OARD1: variants seen among roughly 807,000 people sequenced by gnomAD.
The protein encoded by OARD1 is O-acyl-ADP-ribose deacylase 1.
OARD1 carries 19 observed loss-of-function variants against 19.7 expected under a neutral mutation model. The ratio of observed to expected loss-of-function variants is 0.96; its 90% CI spans 0.67 to 1.41. The LOEUF (loss-of-function observed/expected upper bound fraction) is 1.41, where lower values mean the gene tolerates loss of function less well. OARD1 is among the 40% of genes most tolerant of loss of function. The pLI, the probability that OARD1 is intolerant of heterozygous loss-of-function variation, is 0.00. For synonymous variants in OARD1, 70 were observed against 61.8 expected (o/e 1.13, Z -0.62); for missense variants, 190 against 183.8 (o/e 1.03, Z -0.20).
At chr6:41,071,056 C>T (rs1582005740) in intron 3 of OARD1, 76 bp downstream of exon 3, 2 of 1,406,186 alleles carry the variant, frequency 1.4e-6, no homozygotes, top group Non-Finnish European at 2.0e-6. Flanking sequence ...TCTTTACACG[C>T]ATATTTTATT....
intron 1 of OARD1, among the ~76,000 whole-genome samples, chr6:41,086,651 A>C (rs1384116615): frequency 6.6e-6 from 1 of 152,192 alleles, no homozygotes; most frequent in Non-Finnish European, 1.5e-5. Flanking sequence ...AGAGATGTCC[A>C]GTCTCATGAA....
At chr6:41,076,975 C>T (rs1763749309), upstream of OARD1, among the ~76,000 whole-genome samples, 1 of 152,160 alleles carries the variant, frequency 6.6e-6, no homozygotes, top group Non-Finnish European at 1.5e-5. Flanking sequence ...AATCTTGATA[C>T]TCTTCAAAGT....
chr6:41,081,783 A>G (rs777183254), intron 1 of OARD1, among the ~76,000 whole-genome samples: 6 of 152,212 alleles, frequency 3.9e-5, no homozygotes, highest in Non-Finnish European at 5.9e-5. Flanking sequence ...TAGATCTGCA[A>G]AGATTACCCC....
intron 1 of OARD1, among the ~76,000 whole-genome samples, chr6:41,089,375 G>C (rs1764137469): frequency 6.6e-6 from 1 of 152,152 alleles, no homozygotes; most frequent in African/African-American, 2.4e-5. Context: ...GTTAATATCA[G>C]GTATCCAGAC....
intron 1 of OARD1, chr6:41,080,685 G>A (rs1582023923): frequency 1.4e-6 from 1 of 693,588 alleles, no homozygotes. Flanking sequence ...TCAATATAGG[G>A]AGTCTGTACA....
chr6:41,080,359 A>G (rs915542035), intron 1 of OARD1, among the ~76,000 whole-genome samples: 3 of 152,158 alleles, frequency 2.0e-5, no homozygotes, highest in African/African-American at 7.2e-5. Flanking sequence ...CGTCATGAAG[A>G]TGATTTCGGT....
rs1582022504 is a variant in OARD1, at chr6:41,079,247, G to A, written c.-41-7572C>T. 2.3e-6 allele frequency: 3 copies of A among 1,284,806 alleles called. No homozygotes were observed. The East Asian group carries it at 6.9e-5, about 30-fold the overall frequency. The allele number at this position is 1,284,806 out of a possible 1,614,324, so 79.6% of individuals were successfully genotyped here. On this transcript the variant is annotated intron_variant, in intron 1 of 4. Coordinates refer to the OARD1 transcript ENST00000480585. ...CAATTGGTTGGTCTATTGCCCTGGG[G>A]AATTATTTGAAAGATACCAGATCTT...
chr6:41,071,370 T>TC (rs1169760501), intron 2 of OARD1, 94 bp from the exon 3 acceptor site: 4 of 1,250,884 alleles, frequency 3.2e-6, no homozygotes, highest in Non-Finnish European at 4.6e-6. Context: ...CGACTACCTC[T>TC]CCCGGCACCC....
rs1764231202 is a variant in OARD1 at position 41,092,837 on chromosome 6, TG to T, written c.-42+4875del. The T allele has an allele frequency of 8.1e-6, 12 of 1,479,820 alleles. No homozygotes were observed. In the South Asian group the frequency reaches 1.5e-4, roughly 18 times the overall value. 91.7% of individuals were successfully genotyped at this position (1,479,820 alleles called of 1,614,324 possible). A position where few individuals can be genotyped will look rare whatever the true frequency, so the allele number is the denominator to read the frequency against. ...TTGTGGCATTTACAAAAAAAATGGA[TG>T]AAGAGGAACCAAGAAACTGTTTCTA... On this transcript the variant is annotated intron_variant, in intron 1 of 4. Coordinates refer to the OARD1 transcript ENST00000480585.
chr6:41,097,715 T>C (rs1478805902), exon 1 of OARD1: 5 of 263,972 alleles, frequency 1.9e-5, no homozygotes, highest in Non-Finnish European at 2.2e-5. Context: ...GCACTTACCT[T>C]GACTGGTGAA....
intron 1 of OARD1, among the ~76,000 whole-genome samples, chr6:41,087,117 C>T (rs781130221): frequency 3.3e-5 from 5 of 151,742 alleles, no homozygotes; most frequent in Admixed American, 6.6e-5. Context: ...GGAAAATGGG[C>T]GAAGAATATG....
intron 5 of OARD1, among the ~76,000 whole-genome samples, chr6:41,068,367 T>C (rs1763133433): frequency 2.0e-5 from 3 of 152,226 alleles, no homozygotes; most frequent in Admixed American, 2.0e-4. Context: ...CCTCTGGCTA[T>C]TACCCATACT....
At chr6:41,085,927 G>A (rs890291786) in intron 1 of OARD1, among the ~76,000 whole-genome samples, 15 of 152,248 alleles carry the variant, frequency 9.9e-5, no homozygotes, top group Non-Finnish European at 2.2e-4. Flanking sequence ...ATTGGGGATT[G>A]CTTGGGTAAA....
intron 1 of OARD1, among the ~76,000 whole-genome samples, chr6:41,096,112 C>T (rs557753540): frequency 2.6e-4 from 40 of 152,270 alleles, no homozygotes; most frequent in Middle Eastern, 3.4e-3. Flanking sequence ...TGCCAGTCCC[C>T]AGGTCAAGGA....
At chr6:41,069,909 C>T (rs539275864) in intron 4 of OARD1, 167 bp downstream of exon 4, 1 of 684,656 alleles carries the variant, frequency 1.5e-6, no homozygotes, top group Non-Finnish European at 2.7e-6. Context: ...AAGTAGCCGC[C>T]ATCACTGGAC....
chr6:41,077,887 C>G (rs1763784338), intron 1 of OARD1, among the ~76,000 whole-genome samples: 3 of 152,018 alleles, frequency 2.0e-5, no homozygotes, highest in Admixed American at 1.3e-4. Context: ...CTCATAGATT[C>G]TTATGTTGTA....
chr6:41,079,612 T>C (rs1763852809), intron 1 of OARD1, among the ~76,000 whole-genome samples: 1 of 152,226 alleles, frequency 6.6e-6, no homozygotes, highest in Non-Finnish European at 1.5e-5. Flanking sequence ...GGATAATATT[T>C]AGACAGCCAT....
intron 5 of OARD1, 51 bp downstream of exon 5, chr6:41,068,790 T>C: frequency 2.0e-6 from 2 of 1,010,794 alleles, no homozygotes; most frequent in Admixed American, 2.4e-5. Flanking sequence ...GGTAAGATAG[T>C]AAACCCCACC....
At chr6:41,068,149 A>G (rs1417210804) in intron 5 of OARD1, among the ~76,000 whole-genome samples, 1 of 152,238 alleles carries the variant, frequency 6.6e-6, no homozygotes, top group Non-Finnish European at 1.5e-5. Context: ...GTGTAAAATA[A>G]GGGACATTTG....
Sources: allele counts gnomAD v4.1 joint callset (sites outside exome capture counted in the v4.1 genomes callset), GRCh38; gene constraint gnomAD v4.1.1; transcripts MANE v1.5; gene names NCBI Gene and HGNC (gene_info 2026-07-23, HGNC 2026-07-21).